The following ARHGEF3 variants were observed in gnomAD, a reference collection of about 807,000 sequenced individuals.
ARHGEF3 encodes 59.8 kDA protein.
In ARHGEF3, 28 loss-of-function variants were observed where a neutral mutation model predicts 63.2. The ratio of observed to expected loss-of-function variants is 0.44; its 90% CI spans 0.33 to 0.61. The LOEUF is 0.61. Among genes scored for constraint, ARHGEF3 ranks in the 20% least tolerant of loss-of-function variants. ARHGEF3 has a pLI of 0.03. For missense variants in ARHGEF3, 533 were observed against 659.3 expected (o/e 0.81, Z 2.10); for synonymous variants, 266 against 254.2 (o/e 1.05, Z -0.44).
chr3:57,073,681 T>C (rs890772798), intron 1 of ARHGEF3: 3 of 1,600,496 alleles, frequency 1.9e-6, no homozygotes, highest in Non-Finnish European at 1.7e-6. Context: ...AATTCTGTTT[T>C]TGACTTGGGC....
intron 2 of ARHGEF3, among the ~76,000 whole-genome samples, chr3:56,982,574 C>G (rs899921439): frequency 6.6e-6 from 1 of 152,180 alleles, no homozygotes; most frequent in African/African-American, 2.4e-5. Context: ...CTATGTCTTA[C>G]TTACTGTTTC....
Position 56,801,728 on chromosome 3 carries a change from G to T in ARHGEF3, c.71C>A (p.Ala24Asp). The T allele has an allele frequency of 6.4e-7, 1 of 1,565,714 alleles. No individual in the cohort carries two copies. Residue 24 changes from alanine (A) to aspartate (D), a missense_variant, in exon 1 of 10, where the codon GCC becomes GAC. Physicochemically the swap from Ala to Asp is moderately radical, Grantham distance 126 (BLOSUM62 -2). Coordinates refer to ENST00000296315, the MANE Select transcript of ARHGEF3 (RefSeq NM_019555.3). ...RANCSLELPP[A>D]SGPAKDAEEP... ...CTCAGCGTCCTTGGCCGGACCGCTG[G>T]CCGGGGGTAGCTCCAGGCTGCAGTT...
At chr3:56,735,489 C>T (rs2033549717) in intron 8 of ARHGEF3, among the ~76,000 whole-genome samples, 1 of 152,124 alleles carries the variant, frequency 6.6e-6, no homozygotes, top group South Asian at 2.1e-4. Flanking sequence ...TCTCAAAAAT[C>T]TATCTGCCTG....
At chr3:57,026,622 G>A (rs921480281) in intron 2 of ARHGEF3, among the ~76,000 whole-genome samples, 2 of 145,908 alleles carry the variant, frequency 1.4e-5, no homozygotes, top group East Asian at 2.4e-4. Flanking sequence ...GCTGTTTTAG[G>A]TGCCACCATC....
rs1034125321 is a variant in ARHGEF3, at chr3:56,961,198, T to G, written c.63-2309A>C. On this transcript the variant is annotated intron_variant, in intron 2 of 12. Transcript: ENST00000338458. Reference sequence around the variant, plus strand: ...AGCATTATAACAGTGTTATATAACATTTTATACACAATATATTATAATGGC... The same window carrying G: ...AGCATTATAACAGTGTTATATAACAGTTTATACACAATATATTATAATGGC... Among the ~76,000 whole-genome samples the G allele has an allele frequency of 3.9e-5, 6 of 152,212 alleles. No homozygotes were observed. The South Asian group carries it at 1.2e-3, about 32-fold the overall frequency.
chr3:56,874,438 C>G (rs535768936), intron 4 of ARHGEF3, among the ~76,000 whole-genome samples: 2 of 152,266 alleles, frequency 1.3e-5, no homozygotes, highest in South Asian at 4.1e-4. Flanking sequence ...GAAACAAAAC[C>G]ACAGAAATGG....
chr3:57,001,884 C>T (rs558016572), intron 2 of ARHGEF3, among the ~76,000 whole-genome samples: 5 of 149,568 alleles, frequency 3.3e-5, no homozygotes, highest in East Asian at 2.0e-4. Flanking sequence ...TTTGTAGTCT[C>T]GTCTTAAATC....
intron 6 of ARHGEF3, among the ~76,000 whole-genome samples, chr3:56,747,990 G>A (rs1024685865): frequency 1.1e-4 from 16 of 152,320 alleles, no homozygotes; most frequent in African/African-American, 3.9e-4. Context: ...ATGGAGCTTG[G>A]CTTCTGATAT....
chr3:56,925,845 T>G (rs527478903), intron 3 of ARHGEF3, among the ~76,000 whole-genome samples: 1 of 152,216 alleles, frequency 6.6e-6, no homozygotes, highest in Non-Finnish European at 1.5e-5. Context: ...CTGGCTCTCA[T>G]GGAGCCTGGA....
chr3:56,733,859 C>A (rs551329859), intron 8 of ARHGEF3, among the ~76,000 whole-genome samples: 4 of 151,840 alleles, frequency 2.6e-5, no homozygotes, highest in African/African-American at 9.7e-5. Context: ...TGGCAGGCGC[C>A]TATAATCCCA....
At chr3:57,069,795 C>G (rs1380861101) in intron 1 of ARHGEF3, among the ~76,000 whole-genome samples, 1 of 152,134 alleles carries the variant, frequency 6.6e-6, no homozygotes, top group Non-Finnish European at 1.5e-5. Context: ...CAGACATGTG[C>G]CGTCACACCC....
rs193287541 is a variant in ARHGEF3 at position 56,966,745 on chromosome 3, C to T, written c.63-7856G>A. Among the ~76,000 whole-genome samples the T allele has an allele frequency of 2.6e-5, 4 of 152,156 alleles. No individual in the cohort carries two copies. The East Asian group carries it at 7.7e-4, about 29-fold the overall frequency. On this transcript the variant is annotated intron_variant, in intron 2 of 12. Transcript: ENST00000338458. ...CTGCAGACATCCAGACCCTGTGTGG[C>T]CTGTCTCAGGGACACTTTCAAGATT...
chr3:56,860,542 C>G (rs2040038313), intron 4 of ARHGEF3, among the ~76,000 whole-genome samples: 2 of 152,128 alleles, frequency 1.3e-5, no homozygotes. Flanking sequence ...ACAAAATATT[C>G]TGAGATATAT....
chr3:56,748,046 T>C (rs2034498728), intron 6 of ARHGEF3, among the ~76,000 whole-genome samples: 1 of 152,216 alleles, frequency 6.6e-6, no homozygotes, highest in South Asian at 2.1e-4. Flanking sequence ...AAGAAGTTCT[T>C]TGTTTTCGAG....
At chr3:56,971,056 G>C (rs577350800) in intron 2 of ARHGEF3, among the ~76,000 whole-genome samples, 2 of 152,240 alleles carry the variant, frequency 1.3e-5, no homozygotes, top group South Asian at 4.1e-4. Context: ...GGAAAGCCAG[G>C]GACTATCTGG....
intron 1 of ARHGEF3, among the ~76,000 whole-genome samples, chr3:57,037,543 T>C (rs1423722610): frequency 6.6e-6 from 1 of 152,202 alleles, no homozygotes; most frequent in Non-Finnish European, 1.5e-5. Context: ...TCCTTTCCCA[T>C]ATTGGCAAAA....
upstream of ARHGEF3, among the ~76,000 whole-genome samples, chr3:56,803,903 G>A (rs1305758444): frequency 5.0e-5 from 6 of 120,456 alleles, no homozygotes; most frequent in Non-Finnish European, 1.0e-4. Context: ...TTTTTTTTTT[G>A]AGATAGGGTC....
intron 6 of ARHGEF3, among the ~76,000 whole-genome samples, chr3:56,745,803 C>G (rs2034344632): frequency 6.6e-6 from 1 of 152,148 alleles, no homozygotes; most frequent in Non-Finnish European, 1.5e-5. Flanking sequence ...TCCTGAGTAG[C>G]TGGGACTACA....
chr3:56,935,344 C>A (rs542279935), intron 3 of ARHGEF3, among the ~76,000 whole-genome samples: 1 of 152,166 alleles, frequency 6.6e-6, no homozygotes, highest in Non-Finnish European at 1.5e-5. Flanking sequence ...ACAGACCACT[C>A]GGCTCTACCA....
Sources: allele counts gnomAD v4.1 joint callset (sites outside exome capture counted in the v4.1 genomes callset), GRCh38; gene constraint gnomAD v4.1.1; transcripts MANE v1.5; gene names NCBI Gene and HGNC (gene_info 2026-07-23, HGNC 2026-07-21).